HNRNPA2B1: variants seen among roughly 807,000 people sequenced by gnomAD.
HNRNPA2B1 encodes heterogeneous nuclear ribonucleoproteins A2/B1.
HNRNPA2B1 carries 3 observed loss-of-function variants against 46.3 expected under a neutral mutation model. That is an observed-to-expected ratio of 0.06 (90% CI 0.03 to 0.17). The LOEUF is 0.17. HNRNPA2B1 is among the 10% of genes least tolerant of loss of function. The pLI is 1.00. For synonymous variants in HNRNPA2B1, 225 were observed against 133.8 expected (o/e 1.68, Z -4.70); for missense variants, 221 against 418.9 (o/e 0.53, Z 4.12).
In HNRNPA2B1 at chr7:26,190,598, A is replaced by G. The variant is rs939765356; in HGVS notation, c.*1762T>C. On this transcript the variant is annotated 3_prime_UTR_variant, in exon 11 of 11. Transcript: ENST00000618183. ...AAGCCCTGAGTATCACATTCCTGTAAAGGCAATAAAGCCGGGCAATCAAAC... is the reference window on the plus strand; with the variant it reads ...AAGCCCTGAGTATCACATTCCTGTAGAGGCAATAAAGCCGGGCAATCAAAC... 6.6e-6 allele frequency: 1 copy of G among 152,212 alleles called. No individual in the cohort carries two copies. The highest frequency in any genetic ancestry group is 1.5e-5 in the Non-Finnish European group (1 of 68,022). 9.4% of individuals were successfully genotyped at this position (152,212 alleles called of 1,614,324 possible). A position where few individuals can be genotyped will look rare whatever the true frequency, so the allele number is the denominator to read the frequency against.
At position 26,196,405 on chromosome 7, in the gene HNRNPA2B1, T is replaced by A. The variant is rs1239865476; in HGVS notation, c.654A>T (p.Gly218=). The change falls in exon 6 of 11, where the codon GGA becomes GGT. Residue 218 remains glycine, a synonymous_variant. Coordinates refer to ENST00000618183, the MANE Select transcript of HNRNPA2B1 (RefSeq NM_002137.4). ...CACGTAGAACTTGAAACTCACCAGATCCTCCTCTAAAGTTACTTCCTGGTC... is the reference window on the plus strand; with the variant it reads ...CACGTAGAACTTGAAACTCACCAGAACCTCCTCTAAAGTTACTTCCTGGTC... The part of the protein sequence containing the change: ...GPGPGSNFRG[G]SDGYGSGRGF... 6.2e-7 allele frequency: 1 copy of A among 1,612,836 alleles called. No individual in the cohort carries two copies. The highest frequency in any genetic ancestry group is 1.7e-5 in the Admixed American group (1 of 59,982).
rs769890583 is a variant in HNRNPA2B1, at chr7:26,195,871, T to C, written c.697A>G (p.Asn233Asp). 2 of 1,610,598 alleles carry C rather than the reference T, an allele frequency of 1.2e-6. No homozygotes were observed. Among genetic ancestry groups the C allele is most frequent in the Non-Finnish European group, 1.7e-6 (2 of 1,179,026 alleles). ...GSGRGFGDGY[N>D]GYGGGPGGGN... ...CCTCCAGGTCCTCCTCCATACCCAT[T>C]ATAGCCATCCCCAAATCCACGTCCA... Residue 233 changes from asparagine (N) to aspartate (D), a missense_variant, in exon 7 of 11, where the codon AAT becomes GAT. Transcript: ENST00000618183.
At chr7:26,200,103 G>A (rs138249007) in intron 1 of HNRNPA2B1, 5 of 194,826 alleles carry the variant, frequency 2.6e-5, no homozygotes, top group East Asian at 1.4e-4. Flanking sequence ...AGAGTTATAA[G>A]GAAAACGCTG....
Position 26,195,915 on chromosome 7 carries a change from AG to A in HNRNPA2B1, c.659-7del. 1 of 1,600,024 alleles carries A rather than the reference AG, an allele frequency of 6.2e-7. No homozygotes were observed. Among genetic ancestry groups the A allele is most frequent in the Non-Finnish European group, 8.5e-7 (1 of 1,176,310 alleles). ...ACGTCCACTGCCATATCCATCTGTT[AG>A]GGGCCAAAAAAAGATTACGTTTACT... On this transcript the variant is annotated splice_region_variant and splice_polypyrimidine_tract_variant and intron_variant, in intron 6 of 10. Transcript: ENST00000618183.
chr7:26,193,725 T>C (rs1274296256), intron 7 of HNRNPA2B1, 31 bp from the exon 8 acceptor site: 2 of 1,587,014 alleles, frequency 1.3e-6, no homozygotes, highest in Non-Finnish European at 1.7e-6. Flanking sequence ...AAGTAATCAC[T>C]TAATATTTTC....
chr7:26,193,656 TTCC>T lies in HNRNPA2B1; in HGVS notation c.757_759del (p.Gly253del). The T allele has an allele frequency of 3.1e-6, 5 of 1,612,846 alleles. No individual in the cohort carries two copies. Among genetic ancestry groups the T allele is most frequent in the Non-Finnish European group, 4.2e-6 (5 of 1,179,374 alleles). On this transcript the variant is annotated inframe_deletion, in exon 8 of 11. Coordinates refer to ENST00000618183, the MANE Select transcript of HNRNPA2B1 (RefSeq NM_002137.4). ...GGTCCTCCACCACCATATCCTCCTC[TTCC>T]TCCTCCATAACCGGGGCTACCTCCA...
intron 1 of HNRNPA2B1, chr7:26,200,209 T>A (rs886391149): frequency 3.2e-6 from 1 of 310,022 alleles, no homozygotes; most frequent in African/African-American, 2.2e-5. Flanking sequence ...GAGGACCTGC[T>A]GCCCGCCGAA....
rs751974576 is a variant in HNRNPA2B1 at position 26,193,355 on chromosome 7, T to C, written c.860A>G (p.Asn287Ser). The C allele has an allele frequency of 2.5e-6, 4 of 1,611,378 alleles. No individual in the cohort carries two copies. In the South Asian group the frequency reaches 3.3e-5, roughly 13 times the overall value. Residue 287 changes from asparagine (N) to serine (S), a missense_variant, in exon 9 of 11, where the codon AAT becomes AGT. Asn to Ser is a conservative substitution (Grantham distance 46, BLOSUM62 1). This residue lies in a region of HNRNPA2B1 where 143 missense variants were observed against 200.5 expected (regional missense o/e 0.71). Coordinates refer to ENST00000618183, the MANE Select transcript of HNRNPA2B1 (RefSeq NM_002137.4). ...GTTATAATTTCCAAAATCATTGTAA[T>C]TTCCACTTCCATAATTTCCTATTAA... Reference protein sequence around the residue: ...NYGGGNYGSGNYNDFGNYNQQ... With the variant: ...NYGGGNYGSGSYNDFGNYNQQ...
chr7:26,198,695 A>T (rs1383019181), intron 1 of HNRNPA2B1: 2 of 152,264 alleles, frequency 1.3e-5, no homozygotes, highest in Admixed American at 6.5e-5. Flanking sequence ...TATGAATGTT[A>T]AGGAAACCTG....
intron 7 of HNRNPA2B1, among the ~76,000 whole-genome samples, chr7:26,193,915 G>T (rs1783196868): frequency 6.6e-6 from 1 of 152,170 alleles, no homozygotes; most frequent in Admixed American, 6.5e-5. Context: ...TTAAATACCT[G>T]TAATTCCACA....
At chr7:26,197,931 T>G (rs1375460960) in intron 1 of HNRNPA2B1, 199 bp from the exon 2 acceptor site, 3 of 1,266,084 alleles carry the variant, frequency 2.4e-6, no homozygotes, top group Non-Finnish European at 3.3e-6. Flanking sequence ...TTAGTTGTGT[T>G]ACACCAAAAA....
At chr7:26,196,718 A>T in intron 4 of HNRNPA2B1, 60 bp from the exon 5 acceptor site, 1 of 1,570,140 alleles carries the variant, frequency 6.4e-7, no homozygotes, top group Non-Finnish European at 8.7e-7. Flanking sequence ...CAGCTTCAAA[A>T]GTTTACCTTT....
chr7:26,197,308 T>C lies in HNRNPA2B1; in HGVS notation c.264+7A>G. 1.2e-6 allele frequency: 2 copies of C among 1,602,682 alleles called. No homozygotes were observed. Among genetic ancestry groups the C allele is most frequent in the Non-Finnish European group, 1.7e-6 (2 of 1,173,916 alleles). ...GTTAATGCACAAGACAGTCATTGTT[T>C]GCTTACCTCTCTTGCTACAGCACGT... On this transcript the variant is annotated splice_region_variant and intron_variant, in intron 3 of 10. Coordinates refer to ENST00000618183, the MANE Select transcript of HNRNPA2B1 (RefSeq NM_002137.4).
In HNRNPA2B1 at chr7:26,195,832, T is replaced by C. The variant is rs1478599478; in HGVS notation, c.721+15A>G. ...TTAGTCACATAAACAAACCAAAACG[T>C]AGAGGAAAACTGACCTCCAGGTCCT... On this transcript the variant is annotated intron_variant, in intron 7 of 10. Transcript: ENST00000618183. The C allele has an allele frequency of 1.2e-6, 2 of 1,608,778 alleles. No homozygotes were observed. Among genetic ancestry groups the C allele is most frequent in the East Asian group, 4.5e-5 (2 of 44,750 alleles).
intron 6 of HNRNPA2B1, 51 bp downstream of exon 6, chr7:26,196,350 T>G (rs753882143): frequency 1.4e-6 from 2 of 1,436,632 alleles, no homozygotes; most frequent in Non-Finnish European, 1.9e-6. Flanking sequence ...CCTAATCATA[T>G]TTAAAATAAA....
At position 26,196,793 on chromosome 7, in the gene HNRNPA2B1, G is replaced by A. The variant is rs762364030; in HGVS notation, c.475+14C>T. On this transcript the variant is annotated intron_variant, in intron 4 of 10. Coordinates refer to ENST00000618183, the MANE Select transcript of HNRNPA2B1 (RefSeq NM_002137.4). ...CACTGGAAAAAAACAGTACATTTGT[G>A]GTTAGACACTTACATACGATTTTAT... 1.2e-5 allele frequency: 19 copies of A among 1,605,710 alleles called. No individual in the cohort carries two copies. Among genetic ancestry groups the A allele is most frequent in the Admixed American group, 5.0e-5 (3 of 59,840 alleles).
At chr7:26,196,258 A>C (rs1783622435) in intron 6 of HNRNPA2B1, 143 bp downstream of exon 6, 2 of 694,360 alleles carry the variant, frequency 2.9e-6, no homozygotes, top group East Asian at 5.4e-5. Context: ...TGGCCAAATC[A>C]CAAGAGCTTG....
In HNRNPA2B1 at chr7:26,196,542, CAG is replaced by C. The variant is rs775062953; in HGVS notation, c.577+13_577+14del. Reference sequence around the variant, plus strand: ...TATATGAACAAAAATAAAGAAGAAACAGAATTAAAATTACCTCCTCTTCCACT... The same window carrying C: ...TATATGAACAAAAATAAAGAAGAAACAATTAAAATTACCTCCTCTTCCACT... On this transcript the variant is annotated intron_variant, in intron 5 of 10. Transcript: ENST00000618183. 9.9e-5 allele frequency: 159 copies of C among 1,612,224 alleles called. No individual in the cohort carries two copies. Among genetic ancestry groups the C allele is most frequent in the Admixed American group, 3.0e-4 (18 of 59,922 alleles).
chr7:26,200,397 G>GT (rs1436112378), intron 1 of HNRNPA2B1, 175 bp downstream of exon 1: 2 of 714,684 alleles, frequency 2.8e-6, no homozygotes, highest in African/African-American at 3.5e-5. Context: ...TGGGGAAGCT[G>GT]TTTGTACGCT....
Sources: gnomAD v4.1 joint callset for allele counts (sites outside exome capture counted in the v4.1 genomes callset) on GRCh38, gnomAD v4.1.1 for gene constraint, gnomAD v4.1.1 regional missense constraint, MANE v1.5 for transcripts, NCBI Gene and HGNC (gene_info 2026-07-23, HGNC 2026-07-21) for gene names.